KAZN: variants seen among roughly 807,000 people sequenced by gnomAD.
KAZN encodes kazrin.
In KAZN, 40 loss-of-function variants were observed where a neutral mutation model predicts 87.4. That is an observed-to-expected ratio of 0.46 (90% CI 0.36 to 0.60). KAZN has a LOEUF of 0.60. KAZN is among the 20% of genes least tolerant of loss of function. The pLI, the probability that KAZN is intolerant of heterozygous loss-of-function variation, is 0.00. For missense variants in KAZN, 898 were observed against 1,073.9 expected, an observed-to-expected ratio of 0.84 and a Z score of 2.29; for synonymous variants, 466 against 458.3, an observed-to-expected ratio of 1.02 and a Z score of -0.22.
chr1:14,419,578 G>A (rs146106993), intron 2 of KAZN, among the ~76,000 whole-genome samples: 3 of 152,212 alleles, frequency 2.0e-5, no homozygotes, highest in East Asian at 1.9e-4. Context: ...GAACGAAGCC[G>A]TGGACCCTCG....
At chr1:14,759,791 A>G (rs1182021143) in intron 1 of KAZN, among the ~76,000 whole-genome samples, 1 of 152,122 alleles carries the variant, frequency 6.6e-6, no homozygotes, top group African/African-American at 2.4e-5. Context: ...TTATCTGAAC[A>G]ATGAGTATGT....
chr1:14,837,296 T>C (rs1647360733), intron 1 of KAZN, among the ~76,000 whole-genome samples: 1 of 152,082 alleles, frequency 6.6e-6, no homozygotes, highest in South Asian at 2.1e-4. Flanking sequence ...CTTCCCAGGT[T>C]CAAGTGATTC....
At chr1:14,990,529 C>T (rs2101948212) in intron 2 of KAZN, among the ~76,000 whole-genome samples, 1 of 152,102 alleles carries the variant, frequency 6.6e-6, no homozygotes, top group African/African-American at 2.4e-5. Context: ...CAGCCTACCA[C>T]CTGTTTTTAT....
intron 1 of KAZN, among the ~76,000 whole-genome samples, chr1:14,619,136 G>C (rs1432638645): frequency 6.6e-6 from 1 of 152,066 alleles, no homozygotes; most frequent in Non-Finnish European, 1.5e-5. Flanking sequence ...AGAAGGTTCT[G>C]ATAAACTAAG....
chr1:13,921,912 C>T (rs979246971), intron 1 of KAZN, among the ~76,000 whole-genome samples: 3 of 152,050 alleles, frequency 2.0e-5, no homozygotes, highest in South Asian at 2.1e-4. Context: ...ATTACAGGTG[C>T]GAGCCACTGC....
chr1:14,985,898 G>A (rs551665670), intron 2 of KAZN, among the ~76,000 whole-genome samples: 4 of 150,814 alleles, frequency 2.7e-5, no homozygotes, highest in African/African-American at 7.3e-5. Flanking sequence ...AGCTACTCAC[G>A]AGGCTGAGGC....
At chr1:14,040,497 C>T (rs1557426735) in intron 1 of KAZN, among the ~76,000 whole-genome samples, 3 of 152,304 alleles carry the variant, frequency 2.0e-5, no homozygotes, top group Non-Finnish European at 2.9e-5. Flanking sequence ...CACGGTGGCT[C>T]ATGCCTGTAA....
At chr1:14,520,720 G>A (rs1189007467) in intron 2 of KAZN, among the ~76,000 whole-genome samples, 1 of 152,170 alleles carries the variant, frequency 6.6e-6, no homozygotes, top group Non-Finnish European at 1.5e-5. Context: ...GACTGAAACT[G>A]AACTGAACCA....
chr1:13,922,742 G>C (rs12563157), intron 1 of KAZN, among the ~76,000 whole-genome samples: 1 of 152,152 alleles, frequency 6.6e-6, no homozygotes, highest in South Asian at 2.1e-4. Context: ...GCTGGCATGA[G>C]GACAACGTGT....
At chr1:14,758,357 G>C (rs1052146216) in intron 1 of KAZN, among the ~76,000 whole-genome samples, 3 of 131,418 alleles carry the variant, frequency 2.3e-5, no homozygotes, top group African/African-American at 8.9e-5. Flanking sequence ...TTTATTTTTA[G>C]AGTTGGGGTC....
At chr1:14,902,250 G>C (rs1656009036) in intron 1 of KAZN, among the ~76,000 whole-genome samples, 1 of 150,696 alleles carries the variant, frequency 6.6e-6, no homozygotes. Context: ...TTTTAAGATG[G>C]AGTCTCGCTC....
chr1:14,252,713 A>G (rs921303697), intron 2 of KAZN, among the ~76,000 whole-genome samples: 1 of 152,192 alleles, frequency 6.6e-6, no homozygotes, highest in Non-Finnish European at 1.5e-5. Context: ...AGCTCTAATA[A>G]TGTTTGCTAT....
chr1:14,588,061 G>T (rs1675967129), intron 2 of KAZN, among the ~76,000 whole-genome samples: 1 of 152,122 alleles, frequency 6.6e-6, no homozygotes, highest in Non-Finnish European at 1.5e-5. Flanking sequence ...GTAAGACCTT[G>T]GGGGAGTAAA....
chr1:14,880,947 A>G (rs1393004437), intron 1 of KAZN, among the ~76,000 whole-genome samples: 1 of 152,226 alleles, frequency 6.6e-6, no homozygotes, highest in Non-Finnish European at 1.5e-5. Context: ...CAGCAGCAAG[A>G]TAACTCTTTG....
At chr1:14,727,802 T>A (rs1342172354) in intron 1 of KAZN, among the ~76,000 whole-genome samples, 1 of 151,954 alleles carries the variant, frequency 6.6e-6, no homozygotes, top group Non-Finnish European at 1.5e-5. Flanking sequence ...TAATATGTAA[T>A]GAAATAATGG....
At chr1:14,275,599 T>A (rs1179619878) in intron 2 of KAZN, among the ~76,000 whole-genome samples, 4 of 152,204 alleles carry the variant, frequency 2.6e-5, no homozygotes, top group Non-Finnish European at 4.4e-5. Flanking sequence ...GTTTGTGCGA[T>A]TCATCCATAT....
chr1:15,011,890 C>T (rs990733094), intron 2 of KAZN, among the ~76,000 whole-genome samples: 5 of 152,072 alleles, frequency 3.3e-5, no homozygotes, highest in Admixed American at 6.6e-5. Flanking sequence ...GGGTGGTGGA[C>T]GCGGCCAGTC....
chr1:14,365,144 A>C (rs1199248691), intron 2 of KAZN, among the ~76,000 whole-genome samples: 1 of 151,860 alleles, frequency 6.6e-6, no homozygotes, highest in Non-Finnish European at 1.5e-5. Context: ...CCCGGGTTCA[A>C]GCCATTCTCC....
At chr1:14,190,074 T>C (rs1006853604) in intron 2 of KAZN, among the ~76,000 whole-genome samples, 2 of 152,064 alleles carry the variant, frequency 1.3e-5, no homozygotes, top group East Asian at 3.9e-4. Context: ...TGACTTCAAA[T>C]GGGCTGGTGA....
Sources: allele counts gnomAD v4.1 joint callset (sites outside exome capture counted in the v4.1 genomes callset), GRCh38; gene constraint gnomAD v4.1.1; transcripts MANE v1.5; gene names NCBI Gene and HGNC (gene_info 2026-07-23, HGNC 2026-07-21).